Variants in ADAM12 observed in about 807,000 individuals in gnomAD.
The protein encoded by ADAM12 is disintegrin and metalloproteinase domain-containing protein 12.
Under a neutral mutation model 106.4 loss-of-function variants are expected in ADAM12, and 70 were observed. The ratio of observed to expected loss-of-function variants is 0.66; its 90% CI spans 0.54 to 0.80. ADAM12 has a LOEUF of 0.80. Among genes scored for constraint, ADAM12 ranks in the 30% least tolerant of loss-of-function variants. The probability of loss-of-function intolerance (pLI) is 0.00; values close to 1 mark genes in which losing one functional copy is unlikely to be tolerated. For synonymous variants in ADAM12, 420 were observed against 433.5 expected (o/e 0.97, Z 0.39); for missense variants, 1,010 against 1,171.9 (o/e 0.86, Z 2.02).
intron 11 of ADAM12, among the ~76,000 whole-genome samples, chr10:126,079,828 A>G (rs1390785905): frequency 1.3e-5 from 2 of 152,184 alleles, no homozygotes; most frequent in African/African-American, 4.8e-5. Flanking sequence ...AGATGTGCCA[A>G]TGGACAACAG....
chr10:126,141,932 A>AAGCTTTT (rs1461466622), intron 4 of ADAM12, among the ~76,000 whole-genome samples: 1 of 152,206 alleles, frequency 6.6e-6, no homozygotes, highest in African/African-American at 2.4e-5. Context: ...GCTTTGGGCC[A>AAGCTTTT]TCTAAGGCCA....
At chr10:126,280,516 ATT>A (rs1309581577) in intron 2 of ADAM12, among the ~76,000 whole-genome samples, 1 of 152,202 alleles carries the variant, frequency 6.6e-6, no homozygotes, top group Non-Finnish European at 1.5e-5. Context: ...GATATAGAGC[ATT>A]TCTATCATCA....
Position 126,071,645 on chromosome 10 carries a change from A to T in ADAM12, c.1155T>A (p.Phe385Leu), listed in dbSNP as rs1338081680. The T allele has an allele frequency of 6.2e-7, 1 of 1,614,086 alleles. No homozygotes were observed. Among genetic ancestry groups the T allele is most frequent in the Admixed American group, 1.7e-5 (1 of 60,016 alleles). ...CIMNASTGYP[F>L]PMVFSSCSRK... ...TGCTGCAACTGCTGAACACCATGGG[A>T]AATGGGTACCTGAGAAAGGAGAGCC... The change falls in exon 12 of 23, where the codon TTT becomes TTA. Residue 385 changes from phenylalanine (F) to leucine (L), a missense_variant. Physicochemically the swap from Phe to Leu is conservative, Grantham distance 22. Transcript: ENST00000448723.
intron 3 of ADAM12, among the ~76,000 whole-genome samples, chr10:126,268,729 A>G (rs1959149815): frequency 6.6e-6 from 1 of 152,200 alleles, no homozygotes; most frequent in Non-Finnish European, 1.5e-5. Flanking sequence ...CACTCAAGAT[A>G]ACGAGTTTGA....
At chr10:126,055,333 T>G (rs947677843) in intron 14 of ADAM12, among the ~76,000 whole-genome samples, 2 of 152,202 alleles carry the variant, frequency 1.3e-5, no homozygotes, top group Non-Finnish European at 2.9e-5. Context: ...GACTTCTCTT[T>G]ATGCCACTCA....
chr10:126,085,362 T>G (rs559018598), intron 11 of ADAM12, among the ~76,000 whole-genome samples: 2 of 152,360 alleles, frequency 1.3e-5, no homozygotes, highest in African/African-American at 4.8e-5. Flanking sequence ...CAAAAGACAG[T>G]GGCCTCAGAG....
intron 3 of ADAM12, among the ~76,000 whole-genome samples, chr10:126,245,342 C>T (rs1958608075): frequency 6.6e-6 from 1 of 152,188 alleles, no homozygotes; most frequent in South Asian, 2.1e-4. Flanking sequence ...GAACATGGAA[C>T]TTAGACTAAA....
At position 126,039,421 on chromosome 10, in the gene ADAM12, C is replaced by A; in HGVS notation, c.2113G>T (p.Gly705Cys). The change falls in exon 19 of 23, where the codon GGT (glycine) becomes TGT (cysteine). Residue 705 changes from glycine (G) to cysteine (C), a missense_variant. Physicochemically the swap from Gly to Cys is radical, Grantham distance 159 (BLOSUM62 -3). Transcript: ENST00000448723. ...SGPIRQADNQ[G>C]LTIGILVTIL... Reference sequence around the variant, plus strand: ...GTCACCAGAATTCCTATGGTTAAACCTTGGTTATCTGAAACAAAACACATG... The same window carrying A: ...GTCACCAGAATTCCTATGGTTAAACATTGGTTATCTGAAACAAAACACATG... 6.2e-7 allele frequency: 1 copy of A among 1,614,070 alleles called. No homozygotes were observed. The highest frequency in any genetic ancestry group is 8.5e-7 in the Non-Finnish European group (1 of 1,179,962).
At chr10:126,310,913 G>A (rs942117633) in intron 2 of ADAM12, among the ~76,000 whole-genome samples, 1 of 152,096 alleles carries the variant, frequency 6.6e-6, no homozygotes, top group Non-Finnish European at 1.5e-5. Context: ...TATTGTGCAA[G>A]GGGATATGGT....
chr10:126,241,562 A>G (rs552848112), intron 3 of ADAM12, among the ~76,000 whole-genome samples: 1 of 152,176 alleles, frequency 6.6e-6, no homozygotes, highest in Non-Finnish European at 1.5e-5. Flanking sequence ...CTATTGGGCC[A>G]ATGTTCAATT....
chr10:126,274,724 A>C (rs1959207272), intron 3 of ADAM12, among the ~76,000 whole-genome samples: 1 of 152,186 alleles, frequency 6.6e-6, no homozygotes, highest in Non-Finnish European at 1.5e-5. Flanking sequence ...CACCGGCAGC[A>C]ACCTCAGTCG....
At chr10:126,314,570 T>A (rs566036135) in intron 2 of ADAM12, among the ~76,000 whole-genome samples, 2 of 152,260 alleles carry the variant, frequency 1.3e-5, no homozygotes, top group South Asian at 4.1e-4. Context: ...CATGGACATT[T>A]TCAGGAAAAG....
chr10:126,092,955 C>G (rs1387202807), intron 11 of ADAM12, among the ~76,000 whole-genome samples: 2 of 152,240 alleles, frequency 1.3e-5, no homozygotes, highest in Non-Finnish European at 2.9e-5. Flanking sequence ...ATTCCTCCCT[C>G]TACTGGGTCT....
chr10:126,383,225 A>G (rs1379487728), intron 1 of ADAM12, among the ~76,000 whole-genome samples: 4 of 152,164 alleles, frequency 2.6e-5, no homozygotes, highest in Admixed American at 2.6e-4. Flanking sequence ...TCAGCCTCTC[A>G]AAGTGCTGGA....
At chr10:126,307,626 C>T (rs1215429923) in intron 2 of ADAM12, among the ~76,000 whole-genome samples, 3 of 152,100 alleles carry the variant, frequency 2.0e-5, no homozygotes, top group Non-Finnish European at 2.9e-5. Context: ...CCACAACCTC[C>T]GCCTCCCAGG....
At position 126,014,315 on chromosome 10, in the gene ADAM12, T is replaced by TTTG. The variant is rs1953620665; in HGVS notation, c.*2963_*2964insCAA. 1.7e-5 allele frequency: 1 copy of TTTG among 58,952 alleles called. No individual in the cohort carries two copies. The allele number at this position is 58,952 out of a possible 1,614,324, so 3.7% of individuals were successfully genotyped here. A position where few individuals can be genotyped will look rare whatever the true frequency, so the allele number is the denominator to read the frequency against. The stretch of plus-strand genomic sequence containing the variant: ...ACATTTTGACACAGTTTTAGCCGGT[T>TTTG]TTTTTTTTTTTTTTTTTTTTTTGAG... On this transcript the variant is annotated 3_prime_UTR_variant, in exon 23 of 23. Transcript: ENST00000448723.
chr10:126,375,252 A>T (rs1046139398), intron 1 of ADAM12, among the ~76,000 whole-genome samples: 2 of 126,858 alleles, frequency 1.6e-5, no homozygotes, highest in Admixed American at 7.5e-5. Flanking sequence ...AGCCATGGTT[A>T]AAAAAAAAAA....
rs78629716 is a variant in ADAM12, at chr10:126,258,200, G to A, written c.260+20715C>T. Among the ~76,000 whole-genome samples, 1,486 of 152,258 alleles carry A rather than the reference G, an allele frequency of 9.8e-3. 41 individuals carry two copies. In the East Asian group the frequency reaches 0.12, roughly 12 times the overall value. ...ATGTAAGCATAAGTTTATTCAGATT[G>A]CTTTCTGCACTCTCATATCTTACAA... On this transcript the variant is annotated intron_variant, in intron 3 of 22. Transcript: ENST00000448723.
At chr10:126,376,033 T>A (rs1265157527) in intron 1 of ADAM12, among the ~76,000 whole-genome samples, 4 of 146,212 alleles carry the variant, frequency 2.7e-5, no homozygotes, top group African/African-American at 1.0e-4. Context: ...CAGGTATGAG[T>A]CACTGGGCCT....
Sources: gnomAD v4.1 joint callset for allele counts (sites outside exome capture counted in the v4.1 genomes callset) on GRCh38, gnomAD v4.1.1 for gene constraint, MANE v1.5 for transcripts, NCBI Gene and HGNC (gene_info 2026-07-23, HGNC 2026-07-21) for gene names.